Variants in CLNK observed in about 807,000 individuals in gnomAD.
CLNK encodes the protein cytokine dependent hematopoietic cell linker.
CLNK carries 74 observed loss-of-function variants against 68.6 expected under a neutral mutation model. The ratio of observed to expected loss-of-function variants is 1.08; its 90% CI spans 0.89 to 1.31. The LOEUF (loss-of-function observed/expected upper bound fraction) is 1.31. CLNK is among the 50% of genes most tolerant of loss of function. The probability of loss-of-function intolerance (pLI) is 0.00; values close to 1 mark genes in which losing one functional copy is unlikely to be tolerated. For synonymous variants in CLNK, 198 were observed against 172.2 expected (o/e 1.15, Z -1.17); for missense variants, 553 against 515.3 (o/e 1.07, Z -0.71).
chr4:10,669,281 C>T (rs1724533766), intron 1 of CLNK, among the ~76,000 whole-genome samples: 1 of 152,164 alleles, frequency 6.6e-6, no homozygotes, highest in African/African-American at 2.4e-5. Flanking sequence ...CCGTGACATC[C>T]CTCCTCTTAT....
In CLNK at chr4:10,546,017, C is replaced by G. The variant is rs1421953712; in HGVS notation, c.446-3737G>C. ...GTCCTATCCCCTGAAACCTTTCTTCCATCCTAGAACTCTAGGCCTGTGATA... is the reference window on the plus strand; with the variant it reads ...GTCCTATCCCCTGAAACCTTTCTTCGATCCTAGAACTCTAGGCCTGTGATA... On this transcript the variant is annotated intron_variant, in intron 8 of 18. Transcript: ENST00000226951. Among the ~76,000 whole-genome samples, 3 of 152,160 alleles carry G rather than the reference C, an allele frequency of 2.0e-5. No homozygotes were observed. In the East Asian group the frequency reaches 5.8e-4, roughly 29 times the overall value.
At chr4:10,492,891 G>A (rs929704743) in intron 18 of CLNK, among the ~76,000 whole-genome samples, 4 of 152,134 alleles carry the variant, frequency 2.6e-5, no homozygotes, top group African/African-American at 9.7e-5. Context: ...TTTGAATTGG[G>A]GTTTGTCTTT....
chr4:10,572,143 T>C (rs977419283), intron 4 of CLNK, among the ~76,000 whole-genome samples: 2 of 152,220 alleles, frequency 1.3e-5, no homozygotes, highest in African/African-American at 2.4e-5. Flanking sequence ...CAGCTAATGA[T>C]GAGTTTTATT....
intron 4 of CLNK, among the ~76,000 whole-genome samples, chr4:10,581,496 A>C (rs1214841631): frequency 6.6e-6 from 1 of 152,186 alleles, no homozygotes; most frequent in African/African-American, 2.4e-5. Flanking sequence ...ACTCACAGAA[A>C]CAGCTACACA....
chr4:10,659,497 T>C (rs1398644551), intron 2 of CLNK, among the ~76,000 whole-genome samples: 1 of 152,274 alleles, frequency 6.6e-6, no homozygotes, highest in Admixed American at 6.5e-5. Flanking sequence ...ATTGCAGAGC[T>C]ATACTTCTAT....
At chr4:10,541,231 A>AAAG (rs1470317200) in intron 10 of CLNK, among the ~76,000 whole-genome samples, 86 of 151,694 alleles carry the variant, frequency 5.7e-4, no homozygotes, top group African/African-American at 2.0e-3. Context: ...ACAAAAAAAA[A>AAAG]AAAACCCAAT....
At chr4:10,645,510 TAGAC>T (rs1316836862) in intron 2 of CLNK, among the ~76,000 whole-genome samples, 1 of 152,220 alleles carries the variant, frequency 6.6e-6, no homozygotes, top group African/African-American at 2.4e-5. Context: ...TTAAGTCAGA[TAGAC>T]AGGAATTTAC....
At chr4:10,500,395 T>G (rs1716989693) in intron 18 of CLNK, among the ~76,000 whole-genome samples, 1 of 152,188 alleles carries the variant, frequency 6.6e-6, no homozygotes, top group African/African-American at 2.4e-5. Flanking sequence ...AATAAGATAC[T>G]GCTGGCTGGG....
the CLNK span, among the ~76,000 whole-genome samples, chr4:10,694,309 T>C: frequency 6.6e-6 from 1 of 151,776 alleles, no homozygotes; most frequent in African/African-American, 2.4e-5. Context: ...ACCTTGAGCC[T>C]GAAGGTAAGG....
intron 2 of CLNK, among the ~76,000 whole-genome samples, chr4:10,615,891 A>G (rs993542088): frequency 6.6e-6 from 1 of 152,240 alleles, no homozygotes; most frequent in Non-Finnish European, 1.5e-5. Context: ...ACCTGCATGG[A>G]GAGGAAGAAG....
intron 18 of CLNK, among the ~76,000 whole-genome samples, chr4:10,498,472 A>G (rs1716903677): frequency 6.6e-6 from 1 of 152,244 alleles, no homozygotes; most frequent in Non-Finnish European, 1.5e-5. Flanking sequence ...AGCCTGGGTG[A>G]CAGAGCAAGA....
intron 8 of CLNK, among the ~76,000 whole-genome samples, chr4:10,546,349 GA>G (rs1297678490): frequency 3.9e-5 from 6 of 152,156 alleles, no homozygotes; most frequent in African/African-American, 2.4e-5. Context: ...TCTTCTGCTA[GA>G]TATCCTAGTT....
chr4:10,524,062 AAAAG>A (rs199562553), intron 14 of CLNK: 7,287 of 199,912 alleles, frequency 0.036, 460 homozygotes, highest in African/African-American at 0.13. Context: ...AAGAAAAAAC[AAAAG>A]AAAGAAAGAA....
rs960082183 is a variant in CLNK, at chr4:10,584,830, G to C, written c.112+97C>G. ...CTAATGTCATTTCAAATAGGCCATAGTTTTATTGAAATAAAAACAAAAAAG... is the reference window on the plus strand; with the variant it reads ...CTAATGTCATTTCAAATAGGCCATACTTTTATTGAAATAAAAACAAAAAAG... On this transcript the variant is annotated intron_variant, in intron 4 of 18. Coordinates refer to ENST00000226951, the MANE Select transcript of CLNK (RefSeq NM_052964.4). 32 of 1,288,600 alleles carry C rather than the reference G, an allele frequency of 2.5e-5. 1 individual carries two copies. In the South Asian group the frequency reaches 4.1e-4, roughly 16 times the overall value. The allele number at this position is 1,288,600 out of a possible 1,614,324, so 79.8% of individuals were successfully genotyped here.
intron 5 of CLNK, among the ~76,000 whole-genome samples, chr4:10,570,961 T>C (rs1720320894): frequency 1.3e-5 from 2 of 152,224 alleles, no homozygotes; most frequent in Admixed American, 1.3e-4. Context: ...TGAATATGTT[T>C]AAGTATCAGT....
At chr4:10,555,408 G>C (rs1049993878) in intron 8 of CLNK, among the ~76,000 whole-genome samples, 1 of 152,126 alleles carries the variant, frequency 6.6e-6, no homozygotes, top group Non-Finnish European at 1.5e-5. Context: ...GAAAATTATA[G>C]CTATTCCTAT....
At chr4:10,719,836 C>CATAAAAATAAAAAAA in the CLNK span, among the ~76,000 whole-genome samples, 1 of 152,118 alleles carries the variant, frequency 6.6e-6, no homozygotes, top group South Asian at 2.1e-4. Flanking sequence ...CAAACCTTGG[C>CATAAAAATAAAAAAA]AAACTTAAAG....
chr4:10,728,521 AAAG>A, the CLNK span, among the ~76,000 whole-genome samples: 1 of 151,898 alleles, frequency 6.6e-6, no homozygotes, highest in Non-Finnish European at 1.5e-5. Context: ...TACCTTTACC[AAAG>A]AACTGCTGCA....
intron 18 of CLNK, among the ~76,000 whole-genome samples, chr4:10,496,431 G>A (rs1716812275): frequency 6.6e-6 from 1 of 152,182 alleles, no homozygotes; most frequent in African/African-American, 2.4e-5. Context: ...AAAGCATGAG[G>A]GAACTGAGTG....
Sources: gnomAD v4.1 joint callset for allele counts (sites outside exome capture counted in the v4.1 genomes callset) on GRCh38, gnomAD v4.1.1 for gene constraint, MANE v1.5 for transcripts, NCBI Gene and HGNC (gene_info 2026-07-23, HGNC 2026-07-21) for gene names.